The following NLGN4X variants were observed in gnomAD, a reference collection of about 807,000 sequenced individuals.
NLGN4X encodes the protein neuroligin 4 X-linked, also known as neuroligin-4, X-linked.
In NLGN4X, 3 loss-of-function variants were observed where a neutral mutation model predicts 40.3. The ratio of observed to expected loss-of-function variants is 0.07; its 90% CI spans 0.03 to 0.19. NLGN4X has a LOEUF of 0.19. Ranked by LOEUF, NLGN4X falls within the 10% of genes least tolerant of loss-of-function variation. The pLI is 1.00. For missense variants in NLGN4X, 382 were observed against 708.3 expected, an observed-to-expected ratio of 0.54 and a Z score of 5.23; for synonymous variants, 270 against 306.8, an observed-to-expected ratio of 0.88 and a Z score of 1.25.
chrX:6,168,699 T>C (rs1235046182), intron 1 of NLGN4X, among the ~76,000 whole-genome samples: 1 of 111,440 alleles, frequency 9.0e-6, no homozygotes, highest in Non-Finnish European at 1.9e-5. Flanking sequence ...TCTAGAACTC[T>C]GGCTTCAAGC....
chrX:6,085,487 T>C (rs1249903830), intron 2 of NLGN4X, among the ~76,000 whole-genome samples: 1 of 111,812 alleles, frequency 8.9e-6, no homozygotes, highest in Non-Finnish European at 1.9e-5. Flanking sequence ...TTCTTCAGAT[T>C]TTTTTGAGTC....
intron 3 of NLGN4X, among the ~76,000 whole-genome samples, chrX:5,998,219 G>A (rs2035884072): frequency 1.8e-5 from 2 of 109,995 alleles, no homozygotes; most frequent in African/African-American, 6.6e-5. Flanking sequence ...AGACCAGCCA[G>A]GCCAACATGG....
intron 2 of NLGN4X, among the ~76,000 whole-genome samples, chrX:6,051,214 A>C (rs1376361344): frequency 8.9e-6 from 1 of 111,988 alleles, no homozygotes; most frequent in Non-Finnish European, 1.9e-5. Flanking sequence ...CCTATGTATT[A>C]ATGTCTATGA....
At chrX:6,169,330 C>G (rs1475443999) in intron 1 of NLGN4X, among the ~76,000 whole-genome samples, 1 of 112,729 alleles carries the variant, frequency 8.9e-6, no homozygotes, top group Non-Finnish European at 1.9e-5. Flanking sequence ...TGAGGATGAT[C>G]AACAAATAAT....
At chrX:6,018,911 A>C (rs2036463635) in intron 3 of NLGN4X, among the ~76,000 whole-genome samples, 1 of 112,352 alleles carries the variant, frequency 8.9e-6, no homozygotes, top group African/African-American at 3.2e-5. Context: ...AATATTCCTG[A>C]CTTTTTACAC....
At chrX:6,040,620 A>G (rs1326019596) in intron 2 of NLGN4X, among the ~76,000 whole-genome samples, 2 of 112,070 alleles carry the variant, frequency 1.8e-5, no homozygotes, top group Non-Finnish European at 3.8e-5. Flanking sequence ...CATAGAGATT[A>G]TTTTAATTAT....
chrX:5,894,371 T>G (rs1363402315), intron 5 of NLGN4X, among the ~76,000 whole-genome samples: 1 of 112,789 alleles, frequency 8.9e-6, no homozygotes, highest in Admixed American at 9.4e-5. Flanking sequence ...ATAGGCTTTA[T>G]AATTACAAAG....
intron 3 of NLGN4X, among the ~76,000 whole-genome samples, chrX:5,975,285 G>A (rs1479074938): frequency 9.0e-6 from 1 of 111,331 alleles, no homozygotes; most frequent in Non-Finnish European, 1.9e-5. Context: ...AGACCAACCT[G>A]GCCAACATGG....
At chrX:6,102,655 C>T (rs1363039366) in intron 2 of NLGN4X, among the ~76,000 whole-genome samples, 2 of 109,548 alleles carry the variant, frequency 1.8e-5, no homozygotes. Flanking sequence ...TACATACATA[C>T]ATACATACAT....
chrX:6,093,724 A>G (rs1224033454), intron 2 of NLGN4X, among the ~76,000 whole-genome samples: 2 of 111,725 alleles, frequency 1.8e-5, no homozygotes, highest in African/African-American at 6.5e-5. Context: ...TCTCAGCAAT[A>G]GCCAACCCAA....
intron 2 of NLGN4X, among the ~76,000 whole-genome samples, chrX:6,054,292 T>C (rs1398335778): frequency 9.0e-6 from 1 of 111,465 alleles, no homozygotes; most frequent in Non-Finnish European, 1.9e-5. Flanking sequence ...AGAATTCCTA[T>C]TTAGGATGAA....
At chrX:6,188,923 C>A (rs1163696896) in intron 1 of NLGN4X, among the ~76,000 whole-genome samples, 1 of 112,139 alleles carries the variant, frequency 8.9e-6, no homozygotes, top group Non-Finnish European at 1.9e-5. Flanking sequence ...AGTGTTCAGT[C>A]AACTGTATGT....
At chrX:6,155,725 C>G (rs1220290049) in intron 1 of NLGN4X, among the ~76,000 whole-genome samples, 1 of 112,456 alleles carries the variant, frequency 8.9e-6, no homozygotes, top group African/African-American at 3.2e-5. Flanking sequence ...TGCCTTTTGT[C>G]AAATCTTAAG....
intron 2 of NLGN4X, among the ~76,000 whole-genome samples, chrX:6,048,848 G>C (rs1320202803): frequency 9.4e-6 from 1 of 106,226 alleles, no homozygotes; most frequent in Non-Finnish European, 1.9e-5. Flanking sequence ...CTGTCAGGGA[G>C]GGCGGGGGGA....
At chrX:5,945,345 C>T (rs1415846292) in intron 3 of NLGN4X, among the ~76,000 whole-genome samples, 1 of 111,543 alleles carries the variant, frequency 9.0e-6, no homozygotes, top group African/African-American at 3.3e-5. Flanking sequence ...AAAACAGATG[C>T]ATGGTGTGAT....
intron 2 of NLGN4X, among the ~76,000 whole-genome samples, chrX:6,066,540 C>T (rs1327950274): frequency 9.0e-6 from 1 of 111,721 alleles, no homozygotes; most frequent in African/African-American, 3.3e-5. Context: ...AATCCCAGCC[C>T]TTTGGGAGGA....
intron 3 of NLGN4X, among the ~76,000 whole-genome samples, chrX:5,957,078 G>A (rs1003709967): frequency 7.2e-5 from 8 of 111,081 alleles, no homozygotes; most frequent in Non-Finnish European, 7.5e-5. Flanking sequence ...TGCAACAATC[G>A]TAGTGGACAC....
At chrX:6,147,164 C>G (rs2040066634) in intron 2 of NLGN4X, among the ~76,000 whole-genome samples, 1 of 111,460 alleles carries the variant, frequency 9.0e-6, no homozygotes, top group Admixed American at 9.5e-5. Flanking sequence ...AATGGAAGGG[C>G]TTCTCGCCCC....
At chrX:6,063,426 G>A (rs958420914) in intron 2 of NLGN4X, among the ~76,000 whole-genome samples, 4 of 111,874 alleles carry the variant, frequency 3.6e-5, no homozygotes, top group African/African-American at 1.3e-4. Flanking sequence ...TGGAGAGTAC[G>A]GTGAGCTATG....
Sources: gnomAD v4.1 joint callset for allele counts (sites outside exome capture counted in the v4.1 genomes callset) on GRCh38, gnomAD v4.1.1 for gene constraint, MANE v1.5 for transcripts, NCBI Gene and HGNC (gene_info 2026-07-23, HGNC 2026-07-21) for gene names.